The following THSD4 variants were observed in gnomAD, a reference collection of about 807,000 sequenced individuals.
THSD4 encodes thrombospondin type-1 domain-containing protein 4.
THSD4 carries 69 observed loss-of-function variants against 119.0 expected under a neutral mutation model. The observed-to-expected ratio is 0.58, with a 90% CI of 0.48 to 0.71. The LOEUF is 0.71. Among genes scored for constraint, THSD4 ranks in the 30% least tolerant of loss-of-function variants. THSD4 has a pLI of 0.00. For missense variants in THSD4, 1,393 were observed against 1,391.1 expected (o/e 1.00, Z -0.02); for synonymous variants, 524 against 540.4 (o/e 0.97, Z 0.42).
chr15:71,564,725 T>TTATAACATAATACAATATATAG lies in THSD4; in HGVS notation c.1153-95796_1153-95795insATACAATATATAGTATAACATA, dbSNP rs2049196595. Among the ~76,000 whole-genome samples, 3 of 125,134 alleles carry TTATAACATAATACAATATATAG rather than the reference T, an allele frequency of 2.4e-5. No individual in the cohort carries two copies. The Admixed American group carries it at 2.7e-4, about 11-fold the overall frequency. The allele number at this position is 125,134 out of a possible 152,430, so 82.1% of individuals were successfully genotyped here. A position where few individuals can be genotyped will look rare whatever the true frequency, so the allele number is the denominator to read the frequency against. On this transcript the variant is annotated intron_variant, in intron 7 of 17. Coordinates refer to ENST00000261862, the MANE Select transcript of THSD4 (RefSeq NM_024817.3). ...CATATAATACAATATATATTGTATA[T>TTATAACATAATACAATATATAG]TATAACATATAATACAATATATAGT...
intron 7 of THSD4, among the ~76,000 whole-genome samples, chr15:71,446,918 TTAG>T (rs2047189904): frequency 6.6e-6 from 1 of 152,198 alleles, no homozygotes; most frequent in Admixed American, 6.5e-5. Flanking sequence ...GTCTTTTGTC[TTAG>T]TAGTGAAAAC....
rs563440789 is a variant in THSD4, at chr15:71,173,903, G to C, written c.99+18971G>C. ...TTTGACAATGGTGCCAAGACCATTC[G>C]ATGGGAAAAGATGTCGTGTATAAAA... On this transcript the variant is annotated intron_variant, in intron 3 of 17. Transcript: ENST00000261862. 5.3e-5 allele frequency among the ~76,000 whole-genome samples: 8 copies of C among 152,188 alleles called. No homozygotes were observed. In the South Asian group the frequency reaches 1.5e-3, roughly 28 times the overall value.
chr15:71,516,915 G>A (rs2048369800), intron 7 of THSD4, among the ~76,000 whole-genome samples: 1 of 152,054 alleles, frequency 6.6e-6, no homozygotes, highest in South Asian at 2.1e-4. Flanking sequence ...CAGTTTCTTG[G>A]TTGAGTTAGC....
chr15:71,609,952 C>T (rs953804521), intron 7 of THSD4, among the ~76,000 whole-genome samples: 1 of 152,080 alleles, frequency 6.6e-6, no homozygotes, highest in Admixed American at 6.5e-5. Flanking sequence ...AGTGAACTTG[C>T]TCGGGCATGC....
intron 6 of THSD4, among the ~76,000 whole-genome samples, chr15:71,265,442 G>A (rs188048743): frequency 1.2e-4 from 19 of 152,248 alleles, no homozygotes; most frequent in Admixed American, 3.9e-4. Flanking sequence ...CGCTTTTGCC[G>A]TGGTCTTTGC....
chr15:71,430,159 A>G (rs1465137359), intron 7 of THSD4, among the ~76,000 whole-genome samples: 1 of 152,130 alleles, frequency 6.6e-6, no homozygotes, highest in Non-Finnish European at 1.5e-5. Flanking sequence ...GAAAAAAGAA[A>G]TTTTAATTTT....
chr15:71,371,797 C>G (rs2046053846), intron 6 of THSD4, among the ~76,000 whole-genome samples: 1 of 152,172 alleles, frequency 6.6e-6, no homozygotes, highest in Non-Finnish European at 1.5e-5. Context: ...GTGGCATTCT[C>G]TGTATTTCCT....
chr15:71,184,052 C>T (rs2043569068), intron 3 of THSD4: 1 of 151,862 alleles, frequency 6.6e-6, no homozygotes, highest in Admixed American at 6.5e-5. Context: ...ATGTTGTCAT[C>T]TTCTCTTTTC....
chr15:71,516,498 A>G (rs2048363728), intron 7 of THSD4, among the ~76,000 whole-genome samples: 1 of 152,234 alleles, frequency 6.6e-6, no homozygotes, highest in Non-Finnish European at 1.5e-5. Context: ...CTTTGAGTCC[A>G]TAGTCATAAA....
intron 14 of THSD4, among the ~76,000 whole-genome samples, chr15:71,753,603 A>G (rs1321535986): frequency 6.6e-6 from 1 of 152,228 alleles, no homozygotes; most frequent in Non-Finnish European, 1.5e-5. Context: ...AAGTTCAATT[A>G]CGAGTCATGT....
intron 8 of THSD4, among the ~76,000 whole-genome samples, chr15:71,724,287 A>ATATATATATATATATATATATTTTTTTT: frequency 2.7e-5 from 1 of 37,288 alleles, no homozygotes; most frequent in Non-Finnish European, 6.1e-5. Context: ...ATATATATAT[A>ATATATATATATATATATATATTTTTTTT]TTTTTTTTTT....
At chr15:71,535,027 GTATATT>G (rs1193113294) in intron 7 of THSD4, among the ~76,000 whole-genome samples, 6 of 152,098 alleles carry the variant, frequency 3.9e-5, no homozygotes, top group African/African-American at 1.2e-4. Context: ...CATTTTTTTA[GTATATT>G]TATATTCACA....
intron 6 of THSD4, among the ~76,000 whole-genome samples, chr15:71,332,892 A>ATTATTTTT (rs2045441975): frequency 1.3e-5 from 1 of 76,940 alleles, no homozygotes; most frequent in Admixed American, 2.1e-4. Context: ...ATTTTTTTAC[A>ATTATTTTT]TTTTTTTTTT....
intron 7 of THSD4, among the ~76,000 whole-genome samples, chr15:71,600,992 C>A (rs2049999900): frequency 6.6e-6 from 1 of 152,128 alleles, no homozygotes; most frequent in Non-Finnish European, 1.5e-5. Context: ...GGTGATCCAC[C>A]CGTCTTGGCC....
At chr15:71,167,485 T>A (rs2043304667) in intron 3 of THSD4, among the ~76,000 whole-genome samples, 1 of 152,178 alleles carries the variant, frequency 6.6e-6, no homozygotes, top group Non-Finnish European at 1.5e-5. Flanking sequence ...CAAGTATACG[T>A]GTTTTGGAAT....
At chr15:71,639,692 T>G (rs939499345) in intron 7 of THSD4, among the ~76,000 whole-genome samples, 1 of 152,150 alleles carries the variant, frequency 6.6e-6, no homozygotes, top group African/African-American at 2.4e-5. Context: ...ACTTATTAAA[T>G]TGTGAATCAA....
chr15:71,487,244 A>G (rs1231097446), intron 7 of THSD4, among the ~76,000 whole-genome samples: 1 of 152,206 alleles, frequency 6.6e-6, no homozygotes, highest in African/African-American at 2.4e-5. Context: ...ATTCTATCCA[A>G]CTTATCTCTC....
intron 7 of THSD4, among the ~76,000 whole-genome samples, chr15:71,592,102 T>C (rs2049818872): frequency 1.3e-5 from 2 of 152,344 alleles, no homozygotes; most frequent in Admixed American, 1.3e-4. Context: ...CTACGGTTTT[T>C]CTCCATAGCT....
In THSD4 at chr15:71,564,199, T is replaced by C. The variant is rs74434593; in HGVS notation, c.1153-96331T>C. Among the ~76,000 whole-genome samples the C allele has an allele frequency of 3.3e-5, 5 of 152,186 alleles. No individual in the cohort carries two copies. The South Asian group carries it at 1.0e-3, about 32-fold the overall frequency. On this transcript the variant is annotated intron_variant, in intron 7 of 17. Transcript: ENST00000261862. ...AGATGCCCTATTCCTGCTATGCTTATGTTGGGCATTATACCAGAAACTGAA... is the reference window on the plus strand; with the variant it reads ...AGATGCCCTATTCCTGCTATGCTTACGTTGGGCATTATACCAGAAACTGAA...
Sources: allele counts gnomAD v4.1 joint callset (sites outside exome capture counted in the v4.1 genomes callset), GRCh38; gene constraint gnomAD v4.1.1; transcripts MANE v1.5; gene names NCBI Gene and HGNC (gene_info 2026-07-23, HGNC 2026-07-21).